MYO1C: variants seen among roughly 807,000 people sequenced by gnomAD.
MYO1C encodes the protein myosin IC.
Under a neutral mutation model 150.8 loss-of-function variants are expected in MYO1C, and 104 were observed. The observed-to-expected ratio is 0.69, with a 90% CI of 0.59 to 0.81. The LOEUF is 0.81. Ranked by LOEUF, MYO1C falls within the 30% of genes least tolerant of loss-of-function variation. The probability of loss-of-function intolerance (pLI) is 0.00; values close to 1 mark genes in which losing one functional copy is unlikely to be tolerated. For missense variants in MYO1C, 1,504 were observed against 1,435.0 expected, an observed-to-expected ratio of 1.05 and a Z score of -0.78; for synonymous variants, 663 against 579.9, an observed-to-expected ratio of 1.14 and a Z score of -2.06.
chr17:1,482,658 T>G, intron 4 of MYO1C, 100 bp from the exon 5 acceptor site: 1 of 693,058 alleles, frequency 1.4e-6, no homozygotes, highest in Non-Finnish European at 2.1e-6. Flanking sequence ...CGCACTGGGC[T>G]TCTCTCCCTG....
rs376035120 is a variant in MYO1C, at chr17:1,480,512, C to T, written c.906+15G>A. On this transcript the variant is annotated intron_variant, in intron 7 of 31. Coordinates refer to ENST00000648651, the MANE Select transcript of MYO1C (RefSeq NM_001080779.2). Reference sequence around the variant, plus strand: ...TGTGACAGGAGGAAAGCGAGGGTCCCGGAAGAGGCCTCACCTCCACTTCAT... The same window carrying T: ...TGTGACAGGAGGAAAGCGAGGGTCCTGGAAGAGGCCTCACCTCCACTTCAT... 1.1e-5 allele frequency: 17 copies of T among 1,604,716 alleles called. No individual in the cohort carries two copies. The highest frequency in any genetic ancestry group is 4.5e-5 in the East Asian group (2 of 44,856).
In MYO1C at chr17:1,477,653, G is replaced by T. The variant is rs2074427277; in HGVS notation, c.1483-57C>A. ...TGGGGGACAGGTCAGAGCGCACAGA[G>T]GATTGGGGTCACCGTGCTGGGAGGC... On this transcript the variant is annotated intron_variant, in intron 13 of 31. Coordinates refer to ENST00000648651, the MANE Select transcript of MYO1C (RefSeq NM_001080779.2). 2.1e-5 allele frequency: 30 copies of T among 1,398,138 alleles called. No homozygotes were observed. The South Asian group carries it at 3.2e-4, about 15-fold the overall frequency. 86.6% of individuals were successfully genotyped at this position (1,398,138 alleles called of 1,614,324 possible). A position where few individuals can be genotyped will look rare whatever the true frequency, so the allele number is the denominator to read the frequency against.
chr17:1,489,562 C>A (rs947521912), intron 1 of MYO1C, among the ~76,000 whole-genome samples: 1 of 151,930 alleles, frequency 6.6e-6, no homozygotes, highest in African/African-American at 2.4e-5. Flanking sequence ...TGCCTGTGGT[C>A]CCAGCTACTT....
In MYO1C at chr17:1,464,449, TG is replaced by T. The variant is rs2150922808; in HGVS notation, c.*1276del. On this transcript the variant is annotated 3_prime_UTR_variant, in exon 32 of 32. Transcript: ENST00000648651. ...GTGGGGCCCGAGTGTGCGGGCAAGCTGTCTGTCATCCCAAGGCCTGGACTCT... is the reference window on the plus strand; with the variant it reads ...GTGGGGCCCGAGTGTGCGGGCAAGCTTCTGTCATCCCAAGGCCTGGACTCT... 1 of 152,818 alleles carries T rather than the reference TG, an allele frequency of 6.5e-6. No individual in the cohort carries two copies. Among genetic ancestry groups the T allele is most frequent in the East Asian group, 1.9e-4 (1 of 5,140 alleles). The allele number at this position is 152,818 out of a possible 1,614,324, so 9.5% of individuals were successfully genotyped here.
Position 1,478,304 on chromosome 17 carries a change from C to T in MYO1C, c.1295+106G>A, listed in dbSNP as rs1328776984. On this transcript the variant is annotated intron_variant, in intron 11 of 31. Coordinates refer to ENST00000648651, the MANE Select transcript of MYO1C (RefSeq NM_001080779.2). The surrounding 1 kb of genome is among the most constrained non-coding windows in gnomAD (Gnocchi z 6.3). The stretch of plus-strand genomic sequence containing the variant: ...GGAGGTGAGAAACACAGAGACAGTC[C>T]CCGGCTGGCTGGGGAGTCACAGGGC... 6.4e-7 allele frequency: 1 copy of T among 1,561,620 alleles called. No individual in the cohort carries two copies. Among genetic ancestry groups the T allele is most frequent in the African/African-American group, 1.4e-5 (1 of 73,784 alleles).
intron 1 of MYO1C, chr17:1,485,883 G>T (rs2074646434): frequency 9.5e-6 from 2 of 211,054 alleles, no homozygotes; most frequent in South Asian, 1.7e-4. Context: ...GCCGGGCTGG[G>T]GTCCCCTCCA....
intron 25 of MYO1C, 94 bp downstream of exon 25, chr17:1,469,437 G>A (rs543560129): frequency 5.1e-6 from 6 of 1,181,954 alleles, no homozygotes; most frequent in Admixed American, 2.0e-5. Flanking sequence ...ACGGTAGACC[G>A]GGGTAAATGC....
At chr17:1,472,407 A>C in intron 17 of MYO1C, 179 bp from the exon 18 acceptor site, 1 of 610,286 alleles carries the variant, frequency 1.6e-6, no homozygotes, top group Non-Finnish European at 2.9e-6. Context: ...TCCACCCCTT[A>C]CCCCTCTGGC....
chr17:1,473,463 G>C (rs961445104), intron 17 of MYO1C, among the ~76,000 whole-genome samples: 1 of 152,046 alleles, frequency 6.6e-6, no homozygotes, highest in Non-Finnish European at 1.5e-5. Flanking sequence ...CTTCGGGAGA[G>C]GGTGGGGTGG....
rs869242496 is a variant in MYO1C at position 1,474,427 on chromosome 17, C to CA, written c.1797+182dup. Reference sequence around the variant, plus strand: ...TGGGCAACAGAGCGAGACCCTGTCTCAAAAAAAAAAAAAAAAAAAAAAAGT... The same window carrying CA: ...TGGGCAACAGAGCGAGACCCTGTCTCAAAAAAAAAAAAAAAAAAAAAAAAGT... On this transcript the variant is annotated intron_variant, in intron 17 of 31. Transcript: ENST00000648651. 8.4e-3 allele frequency among the ~76,000 whole-genome samples: 717 copies of CA among 85,268 alleles called. 4 individuals carry two copies. Among genetic ancestry groups the CA allele is most frequent in the East Asian group, 0.023 (60 of 2,652 alleles). The allele number at this position is 85,268 out of a possible 152,430, so 55.9% of individuals were successfully genotyped here.
Position 1,478,028 on chromosome 17 carries a change from GGGCCCC to G in MYO1C, c.1401+53_1401+58del, listed in dbSNP as rs1357031399. On this transcript the variant is annotated intron_variant, in intron 12 of 31. Coordinates refer to ENST00000648651, the MANE Select transcript of MYO1C (RefSeq NM_001080779.2). This position sits in a 1 kb window ranked among gnomAD's most constrained non-coding sequence, Gnocchi z 6.3. ...GTGGGGTCCTGGCACCCTCTCCCAG[GGGCCCC>G]GATACCCAGGCTCCCCGTGGCCCAC... 1 of 1,612,722 alleles carries G rather than the reference GGGCCCC, an allele frequency of 6.2e-7. No individual in the cohort carries two copies. Among genetic ancestry groups the G allele is most frequent in the African/African-American group, 1.3e-5 (1 of 74,904 alleles).
chr17:1,470,878 C>T (rs1598325275), intron 21 of MYO1C, 189 bp from the exon 22 acceptor site: 9 of 839,958 alleles, frequency 1.1e-5, no homozygotes, highest in East Asian at 2.7e-5. Flanking sequence ...GGATGGTGGG[C>T]GTGGGGCTGG....
chr17:1,467,751 AC>A (rs2074207140), intron 29 of MYO1C, 88 bp downstream of exon 29: 2 of 257,486 alleles, frequency 7.8e-6, no homozygotes, highest in East Asian at 1.4e-4. Flanking sequence ...CTCCCCATCC[AC>A]CCCCACACCC....
In MYO1C at chr17:1,469,537, C is replaced by T. The variant is rs1269809619; in HGVS notation, c.2604G>A (p.Lys868=). 1 of 1,611,260 alleles carries T rather than the reference C, an allele frequency of 6.2e-7. No homozygotes were observed. The highest frequency in any genetic ancestry group is 1.3e-5 in the African/African-American group (1 of 74,838). ...KYCRSISPEW[K]QQLQQKAVAS... ...CCAGCCCCGCTCTCCGTACCTGCTG[C>T]TTCCACTCAGGGCTGATACTCCGGC... The change falls in exon 25 of 32, where the codon AAG becomes AAA. Residue 868 remains lysine, a synonymous_variant. Coordinates refer to ENST00000648651, the MANE Select transcript of MYO1C (RefSeq NM_001080779.2).
Position 1,465,796 on chromosome 17 carries a change from C to T in MYO1C, c.3166-44G>A, listed in dbSNP as rs73976221. On this transcript the variant is annotated intron_variant, in intron 31 of 31. Transcript: ENST00000648651. ...ACGGCCAAGTGGTGAGGGGAGCAGA[C>T]GGGGGCCCCGGTACTCAGACTTTTC... 4.0e-3 allele frequency: 5,230 copies of T among 1,298,706 alleles called. 151 individuals carry two copies. In the African/African-American group the frequency reaches 0.067, roughly 17 times the overall value. The allele number at this position is 1,298,706 out of a possible 1,614,324, so 80.4% of individuals were successfully genotyped here. A position where few individuals can be genotyped will look rare whatever the true frequency, so the allele number is the denominator to read the frequency against.
At chr17:1,466,447 C>T (rs2074172944) in intron 31 of MYO1C, among the ~76,000 whole-genome samples, 1 of 152,170 alleles carries the variant, frequency 6.6e-6, no homozygotes, top group African/African-American at 2.4e-5. Flanking sequence ...TCTCCTGCCT[C>T]AGCCTCCCAA....
At chr17:1,480,247 G>A (rs1203389376) in intron 7 of MYO1C, among the ~76,000 whole-genome samples, 1 of 151,414 alleles carries the variant, frequency 6.6e-6, no homozygotes, top group Non-Finnish European at 1.5e-5. Flanking sequence ...GGGAGTTCGA[G>A]ACCAGGCTGG....
At position 1,465,665 on chromosome 17, in the gene MYO1C, G is replaced by C; in HGVS notation, c.*61C>G. On this transcript the variant is annotated 3_prime_UTR_variant, in exon 32 of 32. Coordinates refer to ENST00000648651, the MANE Select transcript of MYO1C (RefSeq NM_001080779.2). Reference sequence around the variant, plus strand: ...TGGAAGTTCGAGTCTTTGGTAACTGGGAAGGGGAGGAGGAGAAAAGCAAAG... The same window carrying C: ...TGGAAGTTCGAGTCTTTGGTAACTGCGAAGGGGAGGAGGAGAAAAGCAAAG... The C allele has an allele frequency of 1.5e-6, 2 of 1,319,018 alleles. No homozygotes were observed. Among genetic ancestry groups the C allele is most frequent in the South Asian group, 5.1e-5 (2 of 38,858 alleles). 81.7% of individuals were successfully genotyped at this position (1,319,018 alleles called of 1,614,324 possible).
rs1262220301 is a variant in MYO1C, at chr17:1,474,858, C to T, written c.1670G>A (p.Gly557Glu). Residue 557 changes from glycine (G) to glutamate (E), a missense_variant and splice_region_variant, in exon 16 of 32, where the codon GGG becomes GAG. Transcript: ENST00000648651. Reference protein sequence around the residue: ...YAGEVTYSVTGFLDKNNDLLF... With the variant: ...YAGEVTYSVTEFLDKNNDLLF... ...AAGGTCATTGTTTTTGTCCAGAAAC[C>T]CTGGGAGGGGAGAACCGACGTGAGG... The T allele has an allele frequency of 1.9e-6, 3 of 1,613,970 alleles. No individual in the cohort carries two copies. The highest frequency in any genetic ancestry group is 2.7e-5 in the African/African-American group (2 of 74,894).
Sources: allele counts gnomAD v4.1 joint callset (sites outside exome capture counted in the v4.1 genomes callset), GRCh38; gene constraint gnomAD v4.1.1; non-coding constraint Gnocchi (gnomAD v3.1); transcripts MANE v1.5; gene names NCBI Gene and HGNC (gene_info 2026-07-23, HGNC 2026-07-21).